Variants in BRINP3 observed in about 807,000 individuals in gnomAD.
BRINP3 encodes the protein BMP/retinoic acid-inducible neural-specific protein 3.
In BRINP3, 19 loss-of-function variants were observed where a neutral mutation model predicts 71.0. The ratio of observed to expected loss-of-function variants is 0.27; its 90% CI spans 0.19 to 0.39. The LOEUF is 0.39. BRINP3 is among the 10% of genes least tolerant of loss of function. The probability of loss-of-function intolerance (pLI) is 1.00; values close to 1 mark genes in which losing one functional copy is unlikely to be tolerated. For synonymous variants in BRINP3, 380 were observed against 337.7 expected (o/e 1.13, Z -1.37); for missense variants, 959 against 940.8 (o/e 1.02, Z -0.25).
At chr1:190,458,562 A>G (rs182174688) in intron 1 of BRINP3, among the ~76,000 whole-genome samples, 4 of 152,030 alleles carry the variant, frequency 2.6e-5, no homozygotes, top group South Asian at 4.1e-4. Context: ...TAATTTATAA[A>G]TTATTACTGA....
At chr1:190,262,055 C>T (rs1458167197) in intron 4 of BRINP3, among the ~76,000 whole-genome samples, 1 of 152,108 alleles carries the variant, frequency 6.6e-6, no homozygotes, top group Non-Finnish European at 1.5e-5. Flanking sequence ...TGCAGGGACA[C>T]ATTTGATAAG....
chr1:190,459,040 T>G (rs1052992633), intron 1 of BRINP3, among the ~76,000 whole-genome samples: 6 of 151,660 alleles, frequency 4.0e-5, no homozygotes, highest in African/African-American at 1.5e-4. Context: ...ATTAAGTATT[T>G]ATGGTTTTTT....
At chr1:190,148,658 C>T (rs1317081919) in intron 7 of BRINP3, among the ~76,000 whole-genome samples, 1 of 150,470 alleles carries the variant, frequency 6.6e-6, no homozygotes, top group Non-Finnish European at 1.5e-5. Flanking sequence ...TAAATTCTAT[C>T]TCCTCATTCT....
intron 2 of BRINP3, among the ~76,000 whole-genome samples, chr1:190,412,812 T>C (rs1380994812): frequency 1.3e-5 from 2 of 151,952 alleles, no homozygotes; most frequent in African/African-American, 4.8e-5. Flanking sequence ...TTGGTAAAAA[T>C]GTTAAAAAAA....
In BRINP3 at chr1:190,147,000, C is replaced by T. The variant is rs961477132; in HGVS notation, c.1184+13668G>A. Among the ~76,000 whole-genome samples the T allele has an allele frequency of 1.3e-5, 2 of 151,900 alleles. 1 individual carries two copies. Among genetic ancestry groups the T allele is most frequent in the African/African-American group, 4.8e-5 (2 of 41,410 alleles). ...ACAAGATTTTTATTACATTTATTTTCTTATATTACATATTTTGATATCCTT... is the reference window on the plus strand; with the variant it reads ...ACAAGATTTTTATTACATTTATTTTTTTATATTACATATTTTGATATCCTT... On this transcript the variant is annotated intron_variant, in intron 7 of 7. Coordinates refer to ENST00000367462, the MANE Select transcript of BRINP3 (RefSeq NM_199051.3).
At chr1:190,439,973 C>G in intron 2 of BRINP3, among the ~76,000 whole-genome samples, 1 of 151,770 alleles carries the variant, frequency 6.6e-6, no homozygotes, top group East Asian at 1.9e-4. Flanking sequence ...TGAATAACCA[C>G]TTTAATATAA....
At chr1:190,406,128 T>C (rs1269619386) in intron 2 of BRINP3, among the ~76,000 whole-genome samples, 1 of 152,174 alleles carries the variant, frequency 6.6e-6, no homozygotes, top group African/African-American at 2.4e-5. Flanking sequence ...TTAAGTACAG[T>C]AAAATTGCTC....
intron 4 of BRINP3, among the ~76,000 whole-genome samples, chr1:190,239,220 C>A (rs1164336598): frequency 6.6e-6 from 1 of 151,986 alleles, no homozygotes; most frequent in African/African-American, 2.4e-5. Flanking sequence ...AGACACAGAG[C>A]CAAACCATAT....
At chr1:190,273,925 T>C (rs903513834) in intron 3 of BRINP3, among the ~76,000 whole-genome samples, 1 of 151,634 alleles carries the variant, frequency 6.6e-6, no homozygotes, top group Non-Finnish European at 1.5e-5. Context: ...CAAACATGCA[T>C]ACATAGTTTC....
intron 2 of BRINP3, among the ~76,000 whole-genome samples, chr1:190,312,073 A>ATATATATATATG (rs1215673029): frequency 1.0e-4 from 14 of 139,642 alleles, no homozygotes; most frequent in African/African-American, 2.9e-4. Flanking sequence ...ATATATATAT[A>ATATATATATATG]TATGTATTTC....
Position 190,372,872 on chromosome 1 carries a change from C to T in BRINP3, c.236+81783G>A, listed in dbSNP as rs1205232398. Among the ~76,000 whole-genome samples the T allele has an allele frequency of 2.0e-5, 3 of 151,990 alleles. No homozygotes were observed. The East Asian group carries it at 5.8e-4, about 29-fold the overall frequency. Reference sequence around the variant, plus strand: ...AAATGTTAAACAAATAGTTCACAGACAAAGCTCTGTAGTAATATCAACAAA... The same window carrying T: ...AAATGTTAAACAAATAGTTCACAGATAAAGCTCTGTAGTAATATCAACAAA... On this transcript the variant is annotated intron_variant, in intron 2 of 7. Coordinates refer to ENST00000367462, the MANE Select transcript of BRINP3 (RefSeq NM_199051.3).
At chr1:190,162,959 A>G (rs1651146593) in intron 6 of BRINP3, among the ~76,000 whole-genome samples, 1 of 152,142 alleles carries the variant, frequency 6.6e-6, no homozygotes, top group African/African-American at 2.4e-5. Context: ...GACAACAAAT[A>G]TGAATAAACC....
chr1:190,236,953 A>T (rs138476206), intron 4 of BRINP3, among the ~76,000 whole-genome samples: 19 of 152,034 alleles, frequency 1.2e-4, no homozygotes, highest in African/African-American at 4.1e-4. Context: ...ACTCATTGAC[A>T]TAGTGATCTT....
At chr1:190,339,362 C>T (rs1474021575) in intron 2 of BRINP3, among the ~76,000 whole-genome samples, 1 of 151,818 alleles carries the variant, frequency 6.6e-6, no homozygotes, top group East Asian at 1.9e-4. Context: ...GGTAGAAACC[C>T]TGATAACATT....
chr1:190,120,148 G>A (rs573012881), intron 7 of BRINP3, among the ~76,000 whole-genome samples: 2 of 152,252 alleles, frequency 1.3e-5, no homozygotes, highest in African/African-American at 4.8e-5. Context: ...CCAAAGGCTA[G>A]TCATTAGCAG....
At chr1:190,166,595 A>C (rs1651560411) in intron 6 of BRINP3, among the ~76,000 whole-genome samples, 1 of 152,180 alleles carries the variant, frequency 6.6e-6, no homozygotes, top group African/African-American at 2.4e-5. Flanking sequence ...TAATGCAAAG[A>C]CAAAGAGAGT....
chr1:190,257,335 A>T (rs140399510), intron 4 of BRINP3, among the ~76,000 whole-genome samples: 1 of 152,164 alleles, frequency 6.6e-6, no homozygotes, highest in Admixed American at 6.5e-5. Context: ...TTTCAGCTCC[A>T]TCGGGTCATT....
chr1:190,141,026 G>A (rs1168560960), intron 7 of BRINP3, among the ~76,000 whole-genome samples: 2 of 152,110 alleles, frequency 1.3e-5, no homozygotes, highest in African/African-American at 2.4e-5. Flanking sequence ...CTTAGCAACA[G>A]GTGCAGAATT....
At chr1:190,143,589 G>A (rs1655639576) in intron 7 of BRINP3, among the ~76,000 whole-genome samples, 1 of 152,078 alleles carries the variant, frequency 6.6e-6, no homozygotes, top group South Asian at 2.1e-4. Context: ...CTCTATCTAG[G>A]CAATGTATAT....
Sources: allele counts gnomAD v4.1 joint callset (sites outside exome capture counted in the v4.1 genomes callset), GRCh38; gene constraint gnomAD v4.1.1; transcripts MANE v1.5; gene names NCBI Gene and HGNC (gene_info 2026-07-23, HGNC 2026-07-21).